Variants in LGALS4 observed in about 807,000 individuals in gnomAD.
LGALS4 encodes the protein galectin-4.
In LGALS4, 37 loss-of-function variants were observed where a neutral mutation model predicts 39.6. That is an observed-to-expected ratio of 0.93 (90% CI 0.72 to 1.23). The LOEUF is 1.23. Ranked by LOEUF, LGALS4 falls within the 50% of genes most tolerant of loss-of-function variation. LGALS4 has a pLI of 0.00. For missense variants in LGALS4, 397 were observed against 433.2 expected (o/e 0.92, Z 0.74); for synonymous variants, 160 against 165.5 (o/e 0.97, Z 0.25).
At chr19:38,805,230 G>T (rs1237964195) in intron 4 of LGALS4, among the ~76,000 whole-genome samples, 3 of 150,536 alleles carry the variant, frequency 2.0e-5, no homozygotes, top group Non-Finnish European at 4.4e-5. Context: ...CAATTTAATT[G>T]TATGTTATTT....
intron 1 of LGALS4, 160 bp downstream of exon 1, chr19:38,812,682 G>A: frequency 2.1e-6 from 2 of 949,392 alleles, no homozygotes; most frequent in Admixed American, 1.9e-5. Flanking sequence ...GACACAGACA[G>A]CCTGAGGTCA....
chr19:38,803,420 C>T, intron 7 of LGALS4, 102 bp downstream of exon 7: 2 of 1,202,178 alleles, frequency 1.7e-6, no homozygotes, highest in Non-Finnish European at 2.5e-6. Context: ...TCCCCTACCT[C>T]CCACCCCAAA....
At position 38,808,931 on chromosome 19, in the gene LGALS4, A is replaced by C; in HGVS notation, c.152T>G (p.Val51Gly). 6.2e-7 allele frequency: 1 copy of C among 1,611,722 alleles called. No individual in the cohort carries two copies. The highest frequency in any genetic ancestry group is 8.5e-7 in the Non-Finnish European group (1 of 1,178,870). ...GTCTGAGCCCGGATCCTGCCCAACCACAAAGTTCACGAAGAACCTGGCGGG... is the reference window on the plus strand; with the variant it reads ...GTCTGAGCCCGGATCCTGCCCAACCCCAAAGTTCACGAAGAACCTGGCGGG... ...EHMKRFFVNF[V>G]VGQDPGSDVA... Residue 51 changes from valine to glycine, a missense_variant, in exon 3 of 10, where the codon GTG becomes GGG. Val to Gly is a moderately radical substitution (Grantham distance 109, BLOSUM62 -3). Coordinates refer to ENST00000307751, the MANE Select transcript of LGALS4 (RefSeq NM_006149.4).
intron 2 of LGALS4, among the ~76,000 whole-genome samples, chr19:38,809,670 T>G (rs1358177105): frequency 1.6e-5 from 2 of 122,882 alleles, no homozygotes; most frequent in Admixed American, 8.4e-5. Context: ...TTTTTTTTTT[T>G]GTAGAGATGG....
At chr19:38,808,640 A>ATG in intron 3 of LGALS4, 104 bp downstream of exon 3, 1 of 770,370 alleles carries the variant, frequency 1.3e-6, no homozygotes. Context: ...AAAAAAAAAA[A>ATG]AAAGAAAGAA....
Position 38,802,012 on chromosome 19 carries a change from C to T in LGALS4, c.805G>A (p.Gly269Ser), listed in dbSNP as rs759407296. The T allele has an allele frequency of 3.7e-6, 6 of 1,614,072 alleles. No homozygotes were observed. In the African/African-American group the frequency reaches 5.3e-5, roughly 14 times the overall value. ...CTCACATCAAAGAACTGTCCGGGAC[C>T]AAATGGGTTGTGGGTGATCTTCTTC... Reference protein sequence around the residue: ...EEKKITHNPFGPGQFFDLSIR... With the variant: ...EEKKITHNPFSPGQFFDLSIR... Residue 269 changes from glycine (G) to serine (S), a missense_variant, in exon 9 of 10, where the codon GGT becomes AGT. Gly to Ser is a moderately conservative substitution (Grantham distance 56). Coordinates refer to ENST00000307751, the MANE Select transcript of LGALS4 (RefSeq NM_006149.4).
chr19:38,802,876 T>C (rs1418499168), intron 7 of LGALS4: 1 of 167,798 alleles, frequency 6.0e-6, no homozygotes, highest in African/African-American at 2.4e-5. Flanking sequence ...CGGGGATTCA[T>C]CATGTTGACC....
chr19:38,812,520 C>G lies in LGALS4; in HGVS notation c.46-1G>C, dbSNP rs1971506652. The G allele has an allele frequency of 1.9e-6, 3 of 1,613,992 alleles. No homozygotes were observed. Among genetic ancestry groups the G allele is most frequent in the Non-Finnish European group, 2.5e-6 (3 of 1,179,962 alleles). On this transcript the variant is annotated splice_acceptor_variant, in intron 1 of 9. Transcript: ENST00000307751. LOFTEE classifies it high-confidence loss of function. ...GGATGGGCTGGTAGTAAGGCAGCGT[C>G]TGGAGAAGAGGCCTGGTGAGGGGAC...
In LGALS4 at chr19:38,802,418, A is replaced by G; in HGVS notation, c.571-14T>C. 1 of 1,607,230 alleles carries G rather than the reference A, an allele frequency of 6.2e-7. No homozygotes were observed. Among genetic ancestry groups the G allele is most frequent in the African/African-American group, 1.3e-5 (1 of 74,926 alleles). On this transcript the variant is annotated splice_polypyrimidine_tract_variant and intron_variant, in intron 7 of 9. Transcript: ENST00000307751. ...ATATGGCACAGGCTGTGGGAAGAGA[A>G]CGGGGGGTCCCATTCTCTCTCAGCT...
intron 3 of LGALS4, among the ~76,000 whole-genome samples, chr19:38,808,413 C>T (rs896705204): frequency 2.0e-5 from 3 of 151,802 alleles, no homozygotes; most frequent in Non-Finnish European, 4.4e-5. Context: ...CACCTGAGGT[C>T]GGGAGTTCGA....
In LGALS4 at chr19:38,801,906, G is replaced by C; in HGVS notation, c.830C>G (p.Ser277Cys). Residue 277 changes from serine (S) to cysteine (C), a missense_variant, in exon 10 of 10, where the codon TCC (serine) becomes TGC (cysteine). Physicochemically the swap from Ser to Cys is moderately radical, Grantham distance 112. Transcript: ENST00000307751. ...GAAGCGATCCAAGCCACAGCGAATG[G>C]ACAGCTGCAGGGAGAAGGGTGGGCA... ...PFGPGQFFDL[S>C]IRCGLDRFKV... 1.9e-6 allele frequency: 3 copies of C among 1,614,220 alleles called. No individual in the cohort carries two copies. Among genetic ancestry groups the C allele is most frequent in the Non-Finnish European group, 2.5e-6 (3 of 1,180,040 alleles).
intron 2 of LGALS4, among the ~76,000 whole-genome samples, chr19:38,809,338 T>C (rs1971465595): frequency 1.4e-5 from 2 of 148,144 alleles, no homozygotes; most frequent in Non-Finnish European, 3.0e-5. Flanking sequence ...CACCACCACG[T>C]CCGGCTAATT....
intron 2 of LGALS4, among the ~76,000 whole-genome samples, chr19:38,811,740 G>T (rs1011313503): frequency 6.6e-6 from 1 of 151,696 alleles, no homozygotes; most frequent in Non-Finnish European, 1.5e-5. Context: ...TGGGCCAGGC[G>T]CAGTGGCTCA....
chr19:38,805,413 C>T (rs1289605517), intron 4 of LGALS4, among the ~76,000 whole-genome samples: 1 of 151,992 alleles, frequency 6.6e-6, no homozygotes, highest in Non-Finnish European at 1.5e-5. Context: ...CCCAAACCTC[C>T]TGTATACTCC....
rs116794914 is a variant in LGALS4 at position 38,807,293 on chromosome 19, G to A, written c.340-698C>T. ...TAATGTGAGAGGATCACCTGAGCCC[G>A]GGGAGGTTGAGGCTGTAGTGAGCTG... is the stretch of plus-strand genomic sequence containing the variant. On this transcript the variant is annotated intron_variant, in intron 3 of 9. Transcript: ENST00000307751. Among the ~76,000 whole-genome samples, 385 of 152,204 alleles carry A rather than the reference G, an allele frequency of 2.5e-3. 1 individual carries two copies. The highest frequency in any genetic ancestry group is 8.7e-3 in the African/African-American group (363 of 41,536).
chr19:38,807,064 T>G (rs907101727), intron 3 of LGALS4, among the ~76,000 whole-genome samples: 2 of 151,768 alleles, frequency 1.3e-5, no homozygotes, highest in Non-Finnish European at 2.9e-5. Flanking sequence ...GAGGTCAAGC[T>G]AAGGTCAAAA....
At chr19:38,804,256 G>A (rs73040156) in intron 4 of LGALS4, among the ~76,000 whole-genome samples, 5,919 of 152,168 alleles carry the variant, frequency 0.039, 129 homozygotes, top group Admixed American at 0.053. Context: ...ACACCTCAGC[G>A]CAGGGGCTTC....
At chr19:38,803,215 A>T in intron 7 of LGALS4, 1 of 423,066 alleles carries the variant, frequency 2.4e-6, no homozygotes, top group Non-Finnish European at 4.3e-6. Context: ...GAGTTTCACT[A>T]TGCTGGCCAG....
At chr19:38,812,613 G>T (rs916121458) in intron 1 of LGALS4, 94 bp from the exon 2 acceptor site, 3 of 1,211,290 alleles carry the variant, frequency 2.5e-6, no homozygotes, top group East Asian at 2.3e-5. Context: ...TTAAGCAGGA[G>T]AGAGGAAACC....
Sources: gnomAD v4.1 joint callset for allele counts (sites outside exome capture counted in the v4.1 genomes callset) on GRCh38, gnomAD v4.1.1 for gene constraint, MANE v1.5 for transcripts, NCBI Gene and HGNC (gene_info 2026-07-23, HGNC 2026-07-21) for gene names.